The following ANKS1B variants were observed in gnomAD, a reference collection of about 807,000 sequenced individuals.
ANKS1B encodes the protein ankyrin repeat and sterile alpha motif domain containing 1B, also known as ankyrin repeat and sterile alpha motif domain-containing protein 1B.
Under a neutral mutation model 148.3 loss-of-function variants are expected in ANKS1B, and 36 were observed. That is an observed-to-expected ratio of 0.24 (90% CI 0.19 to 0.32). The LOEUF (loss-of-function observed/expected upper bound fraction) is 0.32. Among genes scored for constraint, ANKS1B ranks in the 10% least tolerant of loss-of-function variants. The pLI, the probability that ANKS1B is intolerant of heterozygous loss-of-function variation, is 1.00. For missense variants in ANKS1B, 1,157 were observed against 1,542.6 expected, an observed-to-expected ratio of 0.75 and a Z score of 4.19; for synonymous variants, 542 against 560.8, an observed-to-expected ratio of 0.97 and a Z score of 0.47.
intron 17 of ANKS1B, among the ~76,000 whole-genome samples, chr12:98,898,821 G>A (rs2099768352): frequency 6.6e-6 from 1 of 152,020 alleles, no homozygotes; most frequent in Non-Finnish European, 1.5e-5. Flanking sequence ...AACTCTTATG[G>A]TACCAATTTC....
intron 17 of ANKS1B, among the ~76,000 whole-genome samples, chr12:98,961,625 A>G (rs983860981): frequency 3.9e-5 from 6 of 152,150 alleles, no homozygotes; most frequent in Non-Finnish European, 7.4e-5. Context: ...TAAACTATTC[A>G]TATCTCAAGT....
At chr12:98,802,427 G>T (rs1158357826) in intron 20 of ANKS1B, among the ~76,000 whole-genome samples, 1 of 152,002 alleles carries the variant, frequency 6.6e-6, no homozygotes, top group African/African-American at 2.4e-5. Flanking sequence ...AACTCCAAAA[G>T]ATTAAGAACC....
At chr12:98,786,861 T>C (rs1247778322) in intron 22 of ANKS1B, among the ~76,000 whole-genome samples, 1 of 152,180 alleles carries the variant, frequency 6.6e-6, no homozygotes, top group Non-Finnish European at 1.5e-5. Flanking sequence ...AATGCCCCGA[T>C]TGCTCCCAGT....
At chr12:98,964,817 T>G (rs961847491) in intron 17 of ANKS1B, among the ~76,000 whole-genome samples, 1 of 152,034 alleles carries the variant, frequency 6.6e-6, no homozygotes, top group African/African-American at 2.4e-5. Context: ...GGAAGGGTAT[T>G]GAGGGTGCGG....
At chr12:99,134,524 T>C (rs930610670) in intron 15 of ANKS1B, among the ~76,000 whole-genome samples, 1 of 151,378 alleles carries the variant, frequency 6.6e-6, no homozygotes, top group African/African-American at 2.4e-5. Context: ...GAGGATGAAT[T>C]TAAAGGTCTG....
chr12:99,944,757 AC>A (rs1380889624), intron 1 of ANKS1B, among the ~76,000 whole-genome samples: 11 of 152,268 alleles, frequency 7.2e-5, no homozygotes, highest in African/African-American at 2.6e-4. Context: ...TGAGAATGAT[AC>A]CTAGAAATAT....
At chr12:99,266,712 G>C (rs1208367978) in intron 12 of ANKS1B, among the ~76,000 whole-genome samples, 1 of 152,080 alleles carries the variant, frequency 6.6e-6, no homozygotes, top group Non-Finnish European at 1.5e-5. Context: ...ACGGGTTTAA[G>C]GGTTAATAGA....
At chr12:98,935,559 T>G (rs1303654782) in intron 17 of ANKS1B, among the ~76,000 whole-genome samples, 1 of 152,236 alleles carries the variant, frequency 6.6e-6, no homozygotes, top group East Asian at 1.9e-4. Context: ...ACATTAATTC[T>G]TCTTTAAATG....
At chr12:98,771,473 G>A (rs1232706402) in intron 25 of ANKS1B, among the ~76,000 whole-genome samples, 5 of 151,934 alleles carry the variant, frequency 3.3e-5, no homozygotes, top group Non-Finnish European at 7.4e-5. Flanking sequence ...CTGGCCAAGA[G>A]TAACTTTTTT....
At chr12:99,316,861 G>A (rs2084210394) in intron 12 of ANKS1B, among the ~76,000 whole-genome samples, 1 of 152,202 alleles carries the variant, frequency 6.6e-6, no homozygotes, top group Non-Finnish European at 1.5e-5. Context: ...GTGTAAGGAA[G>A]GAATCCAGTT....
intron 17 of ANKS1B, among the ~76,000 whole-genome samples, chr12:98,902,909 G>T (rs1223603189): frequency 6.6e-6 from 1 of 152,164 alleles, no homozygotes; most frequent in African/African-American, 2.4e-5. Flanking sequence ...ACCTTCTAGT[G>T]TGCTTATCAG....
intron 19 of ANKS1B, among the ~76,000 whole-genome samples, chr12:98,810,613 C>T (rs1418462308): frequency 6.6e-6 from 1 of 152,122 alleles, no homozygotes; most frequent in East Asian, 1.9e-4. Flanking sequence ...TAAGTTAACA[C>T]AAGTATATCT....
At chr12:99,353,632 G>T (rs2091678465) in intron 12 of ANKS1B, among the ~76,000 whole-genome samples, 1 of 151,884 alleles carries the variant, frequency 6.6e-6, no homozygotes, top group South Asian at 2.1e-4. Flanking sequence ...CAATAATGTT[G>T]CTATTATTTT....
intron 9 of ANKS1B, among the ~76,000 whole-genome samples, chr12:99,638,177 G>A (rs1197077827): frequency 2.0e-5 from 3 of 152,094 alleles, no homozygotes; most frequent in African/African-American, 4.8e-5. Flanking sequence ...AAAGACACAC[G>A]AAAATGTGAA....
At chr12:98,804,072 G>T (rs1374699239) in intron 20 of ANKS1B, among the ~76,000 whole-genome samples, 1 of 152,202 alleles carries the variant, frequency 6.6e-6, no homozygotes, top group Non-Finnish European at 1.5e-5. Context: ...GCTCTCCCAT[G>T]ACTCCACTTT....
At chr12:98,812,487 T>C (rs1445047093) in intron 19 of ANKS1B, among the ~76,000 whole-genome samples, 1 of 152,260 alleles carries the variant, frequency 6.6e-6, no homozygotes, top group Non-Finnish European at 1.5e-5. Flanking sequence ...CATTAGGTTA[T>C]GCGTAACTGT....
chr12:99,955,376 C>T (rs1310328084), intron 1 of ANKS1B, among the ~76,000 whole-genome samples: 1 of 151,524 alleles, frequency 6.6e-6, no homozygotes. Flanking sequence ...GCCTGTAGTC[C>T]CAGCTACTCG....
At chr12:99,101,809 A>G (rs2058018820) in intron 15 of ANKS1B, among the ~76,000 whole-genome samples, 3 of 152,034 alleles carry the variant, frequency 2.0e-5, no homozygotes. Context: ...TGATCCACCC[A>G]CCTCAGCCTC....
intron 17 of ANKS1B, among the ~76,000 whole-genome samples, chr12:98,954,614 T>C (rs538886443): frequency 6.6e-6 from 1 of 152,154 alleles, no homozygotes; most frequent in Non-Finnish European, 1.5e-5. Flanking sequence ...CTGAAAAACA[T>C]ATGAGGTTTT....
Sources: gnomAD v4.1 joint callset for allele counts (sites outside exome capture counted in the v4.1 genomes callset) on GRCh38, gnomAD v4.1.1 for gene constraint, MANE v1.5 for transcripts, NCBI Gene and HGNC (gene_info 2026-07-23, HGNC 2026-07-21) for gene names.